The following DIRAS2 variants were observed in gnomAD, a reference collection of about 807,000 sequenced individuals.
The protein encoded by DIRAS2 is DIRAS family GTPase 2.
DIRAS2 carries 5 observed loss-of-function variants against 13.9 expected under a neutral mutation model. The observed-to-expected ratio is 0.36, with a 90% CI of 0.19 to 0.76. The LOEUF (loss-of-function observed/expected upper bound fraction) is 0.76, where lower values mean the gene tolerates loss of function less well. DIRAS2 is among the 30% of genes least tolerant of loss of function. The probability of loss-of-function intolerance (pLI) is 0.53; values close to 1 mark genes in which losing one functional copy is unlikely to be tolerated. For synonymous variants in DIRAS2, 111 were observed against 105.4 expected (o/e 1.05, Z -0.33); for missense variants, 191 against 263.0 (o/e 0.73, Z 1.89).
At chr9:90,621,403 G>C (rs895165164) in intron 1 of DIRAS2, among the ~76,000 whole-genome samples, 2 of 152,026 alleles carry the variant, frequency 1.3e-5, no homozygotes, top group Non-Finnish European at 2.9e-5. Context: ...CTTCAAGGAG[G>C]GGAGGAAAGA....
chr9:90,620,287 T>C (rs1366927633), intron 1 of DIRAS2, among the ~76,000 whole-genome samples: 2 of 152,144 alleles, frequency 1.3e-5, no homozygotes, highest in Non-Finnish European at 1.5e-5. Context: ...ATATAGAGCA[T>C]CAGGTCACAG....
intron 1 of DIRAS2, among the ~76,000 whole-genome samples, chr9:90,616,170 T>C (rs1825166967): frequency 6.6e-6 from 1 of 152,214 alleles, no homozygotes; most frequent in Non-Finnish European, 1.5e-5. Flanking sequence ...TGTTAAGGTG[T>C]CTCCATTATT....
Position 90,613,737 on chromosome 9 carries a change from T to A in DIRAS2, c.91A>T (p.Thr31Ser), listed in dbSNP as rs746879754. 5 of 1,614,020 alleles carry A rather than the reference T, an allele frequency of 3.1e-6. No homozygotes were observed. In the East Asian group the frequency reaches 1.1e-4, roughly 36 times the overall value. Residue 31 changes from threonine (T) to serine (S), a missense_variant, in exon 2 of 2, where the codon ACA becomes TCA. Thr to Ser is a moderately conservative substitution (Grantham distance 58, BLOSUM62 1). Coordinates refer to ENST00000375765, the MANE Select transcript of DIRAS2 (RefSeq NM_017594.5). The surrounding 1 kb of genome is among the most constrained non-coding windows in gnomAD (Gnocchi z 5.6). ...GTCGGGATGTAGCTCTCCCGGAATG[T>A]GCCTTTCACAAACCTCAACACCAGG... ...SSLVLRFVKG[T>S]FRESYIPTVE...
chr9:90,614,428 T>C lies in DIRAS2; in HGVS notation c.-36-565A>G, dbSNP rs1243895759. Among the ~76,000 whole-genome samples the C allele has an allele frequency of 2.0e-5, 3 of 150,762 alleles. No individual in the cohort carries two copies. In the East Asian group the frequency reaches 5.9e-4, roughly 30 times the overall value. On this transcript the variant is annotated intron_variant, in intron 1 of 1. Coordinates refer to ENST00000375765, the MANE Select transcript of DIRAS2 (RefSeq NM_017594.5). ...TTTATTCAGTGTTTATATTAACTCATGAAATCCTCACCACTCTGCAGGAGT... is the reference window on the plus strand; with the variant it reads ...TTTATTCAGTGTTTATATTAACTCACGAAATCCTCACCACTCTGCAGGAGT...
intron 1 of DIRAS2, among the ~76,000 whole-genome samples, chr9:90,620,927 T>C (rs1199234008): frequency 6.6e-6 from 1 of 152,210 alleles, no homozygotes; most frequent in African/African-American, 2.4e-5. Context: ...CCTATCTTAT[T>C]CATTTAAAAT....
chr9:90,640,529 G>C (rs957585811), intron 1 of DIRAS2, among the ~76,000 whole-genome samples: 2 of 152,126 alleles, frequency 1.3e-5, no homozygotes, highest in Non-Finnish European at 2.9e-5. Flanking sequence ...AAGAACCATC[G>C]TATTCCCTTT....
chr9:90,632,454 A>G (rs1825333993), intron 1 of DIRAS2, among the ~76,000 whole-genome samples: 1 of 152,164 alleles, frequency 6.6e-6, no homozygotes. Context: ...TCACTGGCTC[A>G]ATGAGAATTT....
intron 1 of DIRAS2, among the ~76,000 whole-genome samples, chr9:90,633,117 C>T (rs1587726252): frequency 1.3e-5 from 2 of 152,186 alleles, no homozygotes; most frequent in Admixed American, 1.3e-4. Flanking sequence ...GGAAAAGAGG[C>T]CATGCTGACA....
At chr9:90,638,991 C>T (rs1018417132) in intron 1 of DIRAS2, among the ~76,000 whole-genome samples, 1 of 151,600 alleles carries the variant, frequency 6.6e-6, no homozygotes, top group Non-Finnish European at 1.5e-5. Flanking sequence ...GGAGGAAGGG[C>T]GTGTGTGTGT....
intron 1 of DIRAS2, among the ~76,000 whole-genome samples, chr9:90,641,777 A>G (rs1231656752): frequency 6.6e-6 from 1 of 152,170 alleles, no homozygotes; most frequent in Admixed American, 6.5e-5. Flanking sequence ...CTCAAAAATA[A>G]TATTTTTGAA....
At chr9:90,624,705 T>C (rs954504201) in intron 1 of DIRAS2, among the ~76,000 whole-genome samples, 16 of 151,062 alleles carry the variant, frequency 1.1e-4, no homozygotes, top group Non-Finnish European at 2.2e-4. Flanking sequence ...AAATAAAACA[T>C]ACTTAATGAC....
intron 1 of DIRAS2, among the ~76,000 whole-genome samples, chr9:90,615,445 T>G (rs72744801): frequency 0.033 from 4,958 of 152,298 alleles, 134 homozygotes; most frequent in South Asian, 0.12. Flanking sequence ...AAGAGTCTGC[T>G]TAGGAGTTTG....
At chr9:90,641,817 A>G (rs1010245946) in intron 1 of DIRAS2, among the ~76,000 whole-genome samples, 5 of 152,228 alleles carry the variant, frequency 3.3e-5, no homozygotes, top group African/African-American at 1.2e-4. Flanking sequence ...AAAAGTTCTG[A>G]TATGCTGGAC....
intron 1 of DIRAS2, among the ~76,000 whole-genome samples, chr9:90,622,955 C>A (rs998577329): frequency 1.3e-5 from 2 of 152,172 alleles, no homozygotes; most frequent in African/African-American, 4.8e-5. Context: ...TCTGAAACTT[C>A]TATTAGATGA....
chr9:90,614,007 G>A (rs1481103489), intron 1 of DIRAS2, 144 bp from the exon 2 acceptor site: 2 of 882,640 alleles, frequency 2.3e-6, no homozygotes, highest in Non-Finnish European at 1.7e-6. Context: ...AATAAATTTG[G>A]TCAATCCGCC....
chr9:90,628,602 G>A (rs1825293880), intron 1 of DIRAS2, among the ~76,000 whole-genome samples: 1 of 152,120 alleles, frequency 6.6e-6, no homozygotes, highest in South Asian at 2.1e-4. Flanking sequence ...CTGGAGTGCA[G>A]TGCCTCACGC....
chr9:90,624,625 A>T (rs1825250916), intron 1 of DIRAS2, among the ~76,000 whole-genome samples: 1 of 152,224 alleles, frequency 6.6e-6, no homozygotes, highest in African/African-American at 2.4e-5. Context: ...TATACAAATA[A>T]GTTTCACTTA....
intron 1 of DIRAS2, among the ~76,000 whole-genome samples, chr9:90,616,478 A>G (rs1436837568): frequency 6.6e-6 from 1 of 152,218 alleles, no homozygotes; most frequent in African/African-American, 2.4e-5. Context: ...GAAATTTGAG[A>G]TATCAGGAAG....
intron 1 of DIRAS2, among the ~76,000 whole-genome samples, chr9:90,621,963 T>C (rs948686989): frequency 7.9e-5 from 12 of 152,226 alleles, no homozygotes; most frequent in Non-Finnish European, 1.3e-4. Context: ...TTCTAAATCC[T>C]ACCAAAAGGC....
Sources: gnomAD v4.1 joint callset for allele counts (sites outside exome capture counted in the v4.1 genomes callset) on GRCh38, gnomAD v4.1.1 for gene constraint, Gnocchi (gnomAD v3.1) non-coding constraint, MANE v1.5 for transcripts, NCBI Gene and HGNC (gene_info 2026-07-23, HGNC 2026-07-21) for gene names.